The following KANSL1 variants were observed in gnomAD, a reference collection of about 807,000 sequenced individuals.
KANSL1 encodes MLL1/MLL complex subunit KANSL1.
KANSL1 carries 22 observed loss-of-function variants against 103.6 expected under a neutral mutation model. That is an observed-to-expected ratio of 0.21 (90% CI 0.15 to 0.30). KANSL1 has a LOEUF of 0.30. Among genes scored for constraint, KANSL1 ranks in the 10% least tolerant of loss-of-function variants. KANSL1 has a pLI of 1.00. For missense variants in KANSL1, 1,337 were observed against 1,399.8 expected, an observed-to-expected ratio of 0.96 and a Z score of 0.72; for synonymous variants, 600 against 527.6, an observed-to-expected ratio of 1.14 and a Z score of -1.88.
intron 1 of KANSL1, among the ~76,000 whole-genome samples, chr17:46,180,762 G>A (rs966070662): frequency 3.9e-5 from 6 of 152,138 alleles, no homozygotes; most frequent in Non-Finnish European, 8.8e-5. Context: ...CACTCTGGGA[G>A]GCCAAGGCAA....
intron 1 of KANSL1, among the ~76,000 whole-genome samples, chr17:46,184,373 C>G (rs1240079386): frequency 2.0e-5 from 3 of 152,248 alleles, no homozygotes; most frequent in Non-Finnish European, 4.4e-5. Context: ...CAGTAATAAT[C>G]TCCCAACTAT....
At chr17:46,197,515 C>G (rs1329382612), upstream of KANSL1, among the ~76,000 whole-genome samples, 1 of 152,160 alleles carries the variant, frequency 6.6e-6, no homozygotes, top group African/African-American at 2.4e-5. Flanking sequence ...TGGTGGTGCA[C>G]GCCTGTAGTT....
chr17:46,148,538 G>T (rs887677222), intron 2 of KANSL1, among the ~76,000 whole-genome samples: 28 of 151,644 alleles, frequency 1.8e-4, no homozygotes, highest in Non-Finnish European at 3.7e-4. Context: ...ATGCTGAATG[G>T]CTTACAATTA....
At chr17:46,139,630 C>T (rs1241232722) in intron 2 of KANSL1, among the ~76,000 whole-genome samples, 3 of 152,210 alleles carry the variant, frequency 2.0e-5, no homozygotes, top group Non-Finnish European at 4.4e-5. Flanking sequence ...CTTGTGACCT[C>T]GGGAAGTCAA....
In KANSL1 at chr17:46,171,943, A is replaced by T; in HGVS notation, c.201T>A (p.Pro67=). The change falls in exon 2 of 15, where the codon CCT becomes CCA. Residue 67 remains proline (P), a synonymous_variant. Coordinates refer to ENST00000432791, the MANE Select transcript of KANSL1 (RefSeq NM_015443.4). ...EDPSLDFRNN[P]TKEDLGKLQP... ...GCAGCTTTCCCAAGTCTTCCTTGGTAGGATTATTTCGGAAATCTAGGCTGG... is the reference window on the plus strand; with the variant it reads ...GCAGCTTTCCCAAGTCTTCCTTGGTTGGATTATTTCGGAAATCTAGGCTGG... The T allele has an allele frequency of 6.2e-7, 1 of 1,614,268 alleles. No individual in the cohort carries two copies. The highest frequency in any genetic ancestry group is 2.2e-5 in the East Asian group (1 of 44,884).
chr17:46,119,164 T>TG (rs2147171424), intron 2 of KANSL1, among the ~76,000 whole-genome samples: 1 of 152,336 alleles, frequency 6.6e-6, no homozygotes, highest in South Asian at 2.1e-4. Flanking sequence ...TTCATCATTA[T>TG]AACAACTCTA....
At chr17:46,146,677 C>CA (rs1166694988) in intron 2 of KANSL1, among the ~76,000 whole-genome samples, 1 of 143,936 alleles carries the variant, frequency 6.9e-6, no homozygotes, top group East Asian at 1.9e-4. Context: ...ACTAAAAATA[C>CA]AAAAAATTAG....
intron 1 of KANSL1, among the ~76,000 whole-genome samples, chr17:46,203,195 C>G (rs557003601): frequency 6.6e-6 from 1 of 152,118 alleles, no homozygotes; most frequent in East Asian, 1.9e-4. Flanking sequence ...GAGCTGAGAT[C>G]GCGCCACTGC....
chr17:46,175,890 G>A (rs568030303), intron 1 of KANSL1, among the ~76,000 whole-genome samples: 95 of 152,282 alleles, frequency 6.2e-4, no homozygotes, highest in African/African-American at 2.1e-3. Flanking sequence ...ACTAATTCCT[G>A]TTATTAAACA....
intron 3 of KANSL1, among the ~76,000 whole-genome samples, chr17:46,087,131 A>G (rs762099019): frequency 2.6e-5 from 4 of 152,316 alleles, no homozygotes; most frequent in Non-Finnish European, 5.9e-5. Context: ...TAGGAGGGAA[A>G]AGAGTCAGAG....
rs1430848219 is a variant in KANSL1 at position 46,066,632 on chromosome 17, C to T, written c.1753G>A (p.Asp585Asn). 1 of 1,614,048 alleles carries T rather than the reference C, an allele frequency of 6.2e-7. No individual in the cohort carries two copies. ...QRLNLVSSSS[D>N]GTCVAARTRP... ...GTCCGGGCTGCCACACAGGTGCCATCAGATGATGAAGAGACGAGATTCAGT... is the reference window on the plus strand; with the variant it reads ...GTCCGGGCTGCCACACAGGTGCCATTAGATGATGAAGAGACGAGATTCAGT... Residue 585 changes from aspartate to asparagine, a missense_variant, in exon 6 of 15, where the codon GAT (aspartate) becomes AAT (asparagine). This residue lies in a region of KANSL1 where 780 missense variants were observed against 923.4 expected (regional missense o/e 0.84). Transcript: ENST00000432791.
chr17:46,108,858 G>C (rs143539456), intron 2 of KANSL1, among the ~76,000 whole-genome samples: 1 of 152,324 alleles, frequency 6.6e-6, no homozygotes, highest in African/African-American at 2.4e-5. Flanking sequence ...AGCGAGTCAA[G>C]CAATTATAGT....
At chr17:46,197,918 C>T (rs2047667196), upstream of KANSL1, among the ~76,000 whole-genome samples, 2 of 152,198 alleles carry the variant, frequency 1.3e-5, no homozygotes, top group Non-Finnish European at 2.9e-5. Flanking sequence ...AAATTCAGTA[C>T]CTCGTATGTC....
chr17:46,190,204 G>A (rs1318439534), intron 1 of KANSL1, among the ~76,000 whole-genome samples: 1 of 152,186 alleles, frequency 6.6e-6, no homozygotes, highest in Non-Finnish European at 1.5e-5. Context: ...TGACAGTGAA[G>A]AAAAAAGTTT....
intron 2 of KANSL1, among the ~76,000 whole-genome samples, chr17:46,125,824 C>A (rs992650003): frequency 2.6e-5 from 4 of 152,164 alleles, no homozygotes; most frequent in African/African-American, 7.2e-5. Flanking sequence ...AGCTTTAAAA[C>A]CCCAAAAGGA....
intron 2 of KANSL1, among the ~76,000 whole-genome samples, chr17:46,125,527 C>A (rs1252604234): frequency 6.6e-6 from 1 of 152,148 alleles, no homozygotes; most frequent in Non-Finnish European, 1.5e-5. Flanking sequence ...GAGTCTAGAT[C>A]CCAAATACAT....
chr17:46,050,842 C>G, intron 6 of KANSL1, 138 bp from the exon 7 acceptor site: 1 of 633,850 alleles, frequency 1.6e-6, no homozygotes, highest in Non-Finnish European at 2.7e-6. Context: ...TTGTGTGACA[C>G]TACTAAAAGG....
chr17:46,128,816 A>G (rs1356624468), intron 2 of KANSL1, among the ~76,000 whole-genome samples: 2 of 152,246 alleles, frequency 1.3e-5, no homozygotes, highest in Non-Finnish European at 1.5e-5. Flanking sequence ...GCAGCTCACG[A>G]TATGGAGTTT....
intron 2 of KANSL1, among the ~76,000 whole-genome samples, chr17:46,132,218 C>T (rs1403450728): frequency 6.6e-6 from 1 of 152,148 alleles, no homozygotes; most frequent in African/African-American, 2.4e-5. Flanking sequence ...AAGGTCAGGG[C>T]AGTTTCAACC....
Sources: gnomAD v4.1 joint callset for allele counts (sites outside exome capture counted in the v4.1 genomes callset) on GRCh38, gnomAD v4.1.1 for gene constraint, gnomAD v4.1.1 regional missense constraint, MANE v1.5 for transcripts, NCBI Gene and HGNC (gene_info 2026-07-23, HGNC 2026-07-21) for gene names.